DIP2C: variants seen among roughly 807,000 people sequenced by gnomAD.
The protein encoded by DIP2C is disco-interacting protein 2 homolog C.
In DIP2C, 33 loss-of-function variants were observed where a neutral mutation model predicts 192.4. The observed-to-expected ratio is 0.17, with a 90% CI of 0.13 to 0.23. DIP2C has a LOEUF of 0.23. DIP2C is among the 10% of genes least tolerant of loss of function. DIP2C has a pLI of 1.00. For missense variants in DIP2C, 1,537 were observed against 2,110.1 expected, an observed-to-expected ratio of 0.73 and a Z score of 5.32; for synonymous variants, 979 against 864.1, an observed-to-expected ratio of 1.13 and a Z score of -2.33.
At chr10:576,652 T>C (rs1448605198) in intron 1 of DIP2C, among the ~76,000 whole-genome samples, 1 of 152,222 alleles carries the variant, frequency 6.6e-6, no homozygotes, top group Non-Finnish European at 1.5e-5. Context: ...CTCAGACCTA[T>C]AATCCCAGCA....
intron 1 of DIP2C, among the ~76,000 whole-genome samples, chr10:548,545 G>A (rs1848424125): frequency 6.7e-6 from 1 of 150,284 alleles, no homozygotes; most frequent in South Asian, 2.1e-4. Context: ...CAGGCAGGCA[G>A]CGAGGACAGA....
chr10:300,447 A>AAT (rs1955971419), intron 32 of DIP2C, among the ~76,000 whole-genome samples: 1 of 152,230 alleles, frequency 6.6e-6, no homozygotes, highest in South Asian at 2.1e-4. Flanking sequence ...AGAGTAGTCA[A>AAT]ATTCATAGAC....
chr10:463,100 T>C (rs766270613), intron 3 of DIP2C, among the ~76,000 whole-genome samples: 3 of 152,136 alleles, frequency 2.0e-5, no homozygotes, highest in East Asian at 1.9e-4. Flanking sequence ...CTTTGAAAAC[T>C]GGCACAAGAC....
At chr10:290,725 G>A (rs1437305974) in intron 32 of DIP2C, among the ~76,000 whole-genome samples, 2 of 152,222 alleles carry the variant, frequency 1.3e-5, no homozygotes, top group East Asian at 1.9e-4. Context: ...GAACTAGGAG[G>A]GGGTCAGAGG....
intron 1 of DIP2C, among the ~76,000 whole-genome samples, chr10:531,251 A>G (rs1348307147): frequency 6.6e-6 from 1 of 152,042 alleles, no homozygotes; most frequent in Non-Finnish European, 1.5e-5. Flanking sequence ...ATGAGCACAC[A>G]CAGCGAACAA....
intron 2 of DIP2C, chr10:484,683 C>T (rs989116925): frequency 4.1e-6 from 6 of 1,454,080 alleles, no homozygotes; most frequent in Non-Finnish European, 5.4e-6. Context: ...GCCCCCAAGG[C>T]CACACCCTAC....
intron 31 of DIP2C, among the ~76,000 whole-genome samples, chr10:325,282 A>C (rs545018428): frequency 2.1e-4 from 32 of 152,266 alleles, no homozygotes; most frequent in African/African-American, 4.8e-4. Context: ...AACAAACAAA[A>C]AAAAAACATT....
In DIP2C at chr10:599,028, G is replaced by A. The variant is rs561177207; in HGVS notation, c.85+90466C>T. Among the ~76,000 whole-genome samples the A allele has an allele frequency of 9.9e-5, 15 of 152,206 alleles. 1 individual carries two copies. Among genetic ancestry groups the A allele is most frequent in the South Asian group, 4.1e-4 (2 of 4,830 alleles). On this transcript the variant is annotated intron_variant, in intron 1 of 36. Coordinates refer to ENST00000280886, the MANE Select transcript of DIP2C (RefSeq NM_014974.3). Reference sequence around the variant, plus strand: ...CTCCCTCATCCTTGCATCATAAAGCGGCGAAGACCGTGTGGAATAAAGTAA... The same window carrying A: ...CTCCCTCATCCTTGCATCATAAAGCAGCGAAGACCGTGTGGAATAAAGTAA...
chr10:379,095 A>G (rs924529035), intron 17 of DIP2C, among the ~76,000 whole-genome samples: 1 of 150,438 alleles, frequency 6.6e-6, no homozygotes, highest in East Asian at 2.0e-4. Flanking sequence ...AGCGCTGGGC[A>G]ACCTGACAGA....
chr10:476,402 C>G (rs1202352585), intron 2 of DIP2C, among the ~76,000 whole-genome samples: 1 of 152,188 alleles, frequency 6.6e-6, no homozygotes, highest in African/African-American at 2.4e-5. Flanking sequence ...GTGAACTTTC[C>G]TAGGCTCAGC....
chr10:310,445 GA>G (rs1474846318), intron 31 of DIP2C, among the ~76,000 whole-genome samples: 2 of 152,252 alleles, frequency 1.3e-5, no homozygotes, highest in Non-Finnish European at 2.9e-5. Flanking sequence ...TCTGTGCGGA[GA>G]AATTTTTACC....
intron 1 of DIP2C, among the ~76,000 whole-genome samples, chr10:505,027 C>CCA (rs1373889354): frequency 6.6e-6 from 1 of 152,168 alleles, no homozygotes; most frequent in Non-Finnish European, 1.5e-5. Flanking sequence ...CGCGGGATCC[C>CCA]CACCCTGCCC....
At chr10:640,257 C>A (rs11253290) in intron 1 of DIP2C, among the ~76,000 whole-genome samples, 1 of 152,182 alleles carries the variant, frequency 6.6e-6, no homozygotes, top group African/African-American at 2.4e-5. Context: ...GGCCGCCCCG[C>A]CCACGGCCAC....
At chr10:521,694 G>A (rs1363358679) in intron 1 of DIP2C, among the ~76,000 whole-genome samples, 1 of 152,170 alleles carries the variant, frequency 6.6e-6, no homozygotes, top group Non-Finnish European at 1.5e-5. Flanking sequence ...ATTCTAATGG[G>A]GAAATCCTGA....
At chr10:562,265 G>C (rs1849261708) in intron 1 of DIP2C, among the ~76,000 whole-genome samples, 1 of 152,200 alleles carries the variant, frequency 6.6e-6, no homozygotes, top group Admixed American at 6.5e-5. Context: ...ACATCATCAG[G>C]ACAAACTTTA....
At chr10:670,200 A>C (rs112774072) in intron 1 of DIP2C, among the ~76,000 whole-genome samples, 1 of 152,166 alleles carries the variant, frequency 6.6e-6, no homozygotes. Flanking sequence ...ACATGTGTGC[A>C]CATGTATGCA....
intron 1 of DIP2C, among the ~76,000 whole-genome samples, chr10:530,269 T>C (rs1031519310): frequency 6.6e-6 from 1 of 152,214 alleles, no homozygotes; most frequent in Admixed American, 6.5e-5. Flanking sequence ...TTGTTCCTTA[T>C]TTGCTATGGG....
intron 29 of DIP2C, among the ~76,000 whole-genome samples, chr10:337,780 T>C (rs993047540): frequency 5.6e-4 from 58 of 102,862 alleles, no homozygotes; most frequent in Middle Eastern, 5.4e-3. Context: ...TGTGAAGGCC[T>C]AGGCAGCTGT....
chr10:449,467 T>C (rs1285654575), intron 3 of DIP2C, among the ~76,000 whole-genome samples: 1 of 152,126 alleles, frequency 6.6e-6, no homozygotes. Context: ...TCACGGTACT[T>C]TCCTACTCTT....
Sources: gnomAD v4.1 joint callset for allele counts (sites outside exome capture counted in the v4.1 genomes callset) on GRCh38, gnomAD v4.1.1 for gene constraint, MANE v1.5 for transcripts, NCBI Gene and HGNC (gene_info 2026-07-23, HGNC 2026-07-21) for gene names.